The following HBS1L variants were observed in gnomAD, a reference collection of about 807,000 sequenced individuals.
HBS1L encodes HBS1 like translational GTPase.
A neutral mutation model predicts 88.9 loss-of-function variants in HBS1L; 55 were observed. The observed-to-expected ratio is 0.62, with a 90% CI of 0.50 to 0.77. HBS1L has a LOEUF of 0.77. HBS1L is among the 30% of genes least tolerant of loss of function. HBS1L has a pLI of 0.00. For synonymous variants in HBS1L, 267 were observed against 288.5 expected (o/e 0.93, Z 0.76); for missense variants, 741 against 829.3 (o/e 0.89, Z 1.31).
intron 11 of HBS1L, among the ~76,000 whole-genome samples, chr6:134,985,832 T>A (rs891703265): frequency 6.6e-6 from 1 of 152,184 alleles, no homozygotes; most frequent in Non-Finnish European, 1.5e-5. Context: ...TAATCTCATT[T>A]AATTTTAACA....
intron 8 of HBS1L, among the ~76,000 whole-genome samples, chr6:134,990,600 G>A (rs1011807328): frequency 3.3e-5 from 5 of 152,068 alleles, no homozygotes; most frequent in African/African-American, 1.2e-4. Flanking sequence ...TTGAGGCAGG[G>A]TCTCACTCCC....
At chr6:135,049,358 G>A (rs11760000) in intron 2 of HBS1L, among the ~76,000 whole-genome samples, 70,472 of 151,448 alleles carry the variant, frequency 0.47, 16,676 homozygotes, top group South Asian at 0.56. Context: ...CCCTCCCAAG[G>A]GCCCCACCTC....
chr6:135,027,612 C>G (rs1456116483), intron 4 of HBS1L, among the ~76,000 whole-genome samples: 1 of 152,044 alleles, frequency 6.6e-6, no homozygotes, highest in Non-Finnish European at 1.5e-5. Context: ...TAGGAAGGAA[C>G]AAGCAAAGGA....
chr6:134,979,066 AT>A, intron 14 of HBS1L, 111 bp downstream of exon 14: 1 of 741,874 alleles, frequency 1.3e-6, no homozygotes. Context: ...ACAGGTGTCT[AT>A]TTTTGGTCAA....
intron 4 of HBS1L, among the ~76,000 whole-genome samples, chr6:135,014,085 C>A (rs757746770): frequency 2.0e-5 from 3 of 152,080 alleles, no homozygotes; most frequent in Non-Finnish European, 4.4e-5. Context: ...TCCTTGATAT[C>A]TGAATGAACA....
chr6:135,002,901 T>G, intron 4 of HBS1L, 59 bp from the exon 5 acceptor site: 1 of 868,876 alleles, frequency 1.2e-6, no homozygotes, highest in Non-Finnish European at 1.8e-6. Context: ...TAAAGAAATC[T>G]ATTACATAGT....
In HBS1L at chr6:134,989,450, C is replaced by T. The variant is rs539430432; in HGVS notation, c.1084-1659G>A. Among the ~76,000 whole-genome samples the T allele has an allele frequency of 5.3e-5, 8 of 152,250 alleles. No homozygotes were observed. The East Asian group carries it at 1.5e-3, about 29-fold the overall frequency. ...CCATCCACATCATTAAGTTCTCCTG[C>T]TTTCTGGTCAGAACAGAGTCCACAA... On this transcript the variant is annotated intron_variant, in intron 8 of 17. Transcript: ENST00000367837.
chr6:134,968,847 C>G (rs1041501170), intron 16 of HBS1L, among the ~76,000 whole-genome samples: 2 of 151,654 alleles, frequency 1.3e-5, no homozygotes, highest in African/African-American at 2.4e-5. Flanking sequence ...AGGGAATGAT[C>G]TTATTAAGGA....
At chr6:134,987,859 CAATT>C (rs1242312193) in intron 8 of HBS1L, 68 bp from the exon 9 acceptor site, 3 of 1,333,236 alleles carry the variant, frequency 2.3e-6, no homozygotes, top group Admixed American at 2.6e-5. Flanking sequence ...ACAGATTATT[CAATT>C]AATTATGTTA....
At chr6:134,991,501 A>C (rs1258235799) in intron 8 of HBS1L, among the ~76,000 whole-genome samples, 1 of 152,216 alleles carries the variant, frequency 6.6e-6, no homozygotes, top group Non-Finnish European at 1.5e-5. Context: ...CTAATTTAAA[A>C]TGGTGATAAT....
chr6:134,999,856 T>C (rs1775399574), intron 5 of HBS1L, among the ~76,000 whole-genome samples: 1 of 152,126 alleles, frequency 6.6e-6, no homozygotes. Context: ...AGTCTGCCCT[T>C]AGTAAAAAAA....
At chr6:135,024,321 T>A (rs4896127) in intron 4 of HBS1L, among the ~76,000 whole-genome samples, 47,159 of 150,982 alleles carry the variant, frequency 0.31, 7,771 homozygotes, top group Non-Finnish European at 0.37. Flanking sequence ...GTGCCTGTAG[T>A]CCCAGCTACT....
At chr6:134,969,826 A>T (rs1774430611) in intron 15 of HBS1L, among the ~76,000 whole-genome samples, 1 of 152,162 alleles carries the variant, frequency 6.6e-6, no homozygotes, top group Admixed American at 6.5e-5. Flanking sequence ...ATTAAATAGG[A>T]TCAGACACAG....
intron 4 of HBS1L, chr6:135,037,861 T>G (rs1188926954): frequency 6.5e-7 from 1 of 1,547,128 alleles, no homozygotes. Flanking sequence ...CTTTTTTCTA[T>G]GGAGTAAACA....
At chr6:135,022,579 A>T (rs948798458) in intron 4 of HBS1L, among the ~76,000 whole-genome samples, 3 of 152,204 alleles carry the variant, frequency 2.0e-5, no homozygotes, top group African/African-American at 7.2e-5. Context: ...AAGCCCACAT[A>T]ATTTTAAGCA....
intron 4 of HBS1L, among the ~76,000 whole-genome samples, chr6:135,028,619 T>C (rs1776302398): frequency 6.6e-6 from 1 of 152,078 alleles, no homozygotes; most frequent in Admixed American, 6.5e-5. Context: ...CGAATGCAAG[T>C]AATTTTATGA....
chr6:134,980,501 G>A (rs1396667612), intron 13 of HBS1L, among the ~76,000 whole-genome samples: 4 of 151,890 alleles, frequency 2.6e-5, no homozygotes, highest in African/African-American at 9.7e-5. Context: ...TGAAATATGG[G>A]ATTAAAAACA....
intron 8 of HBS1L, 110 bp from the exon 9 acceptor site, chr6:134,987,901 T>C (rs776403389): frequency 3.5e-6 from 3 of 858,718 alleles, no homozygotes; most frequent in Non-Finnish European, 4.9e-6. Context: ...AGACCCTAAC[T>C]ACCCCCACCA....
Position 134,965,259 on chromosome 6 carries a change from G to T in HBS1L, c.*20C>A. ...TAGCTATTTCACTGTATCCAGAAAC[G>T]TGGTAGAAATTCTGACCCATCATTC... is the stretch of plus-strand genomic sequence containing the variant. On this transcript the variant is annotated 3_prime_UTR_variant, in exon 18 of 18. Transcript: ENST00000367837. 6.4e-7 allele frequency: 1 copy of T among 1,567,562 alleles called. No individual in the cohort carries two copies. The highest frequency in any genetic ancestry group is 8.8e-7 in the Non-Finnish European group (1 of 1,141,778).
Sources: gnomAD v4.1 joint callset for allele counts (sites outside exome capture counted in the v4.1 genomes callset) on GRCh38, gnomAD v4.1.1 for gene constraint, MANE v1.5 for transcripts, NCBI Gene and HGNC (gene_info 2026-07-23, HGNC 2026-07-21) for gene names.